The following RAVER1 variants were observed in gnomAD, a reference collection of about 807,000 sequenced individuals.
RAVER1 encodes the protein ribonucleoprotein PTB-binding 1.
Under a neutral mutation model 68.4 loss-of-function variants are expected in RAVER1, and 36 were observed. That is an observed-to-expected ratio of 0.53 (90% confidence interval 0.40 to 0.70). RAVER1 has a LOEUF of 0.70. Among genes scored for constraint, RAVER1 ranks in the 30% least tolerant of loss-of-function variants. The probability of loss-of-function intolerance (pLI) is 0.00; values close to 1 mark genes in which losing one functional copy is unlikely to be tolerated. For missense variants in RAVER1, 933 were observed against 1,019.8 expected (o/e 0.91, Z 1.16); for synonymous variants, 469 against 472.7 (o/e 0.99, Z 0.10).
chr19:10,322,856 G>GCCCA lies in RAVER1; in HGVS notation c.1079-118_1079-117insTGGG. The GCCCA allele has an allele frequency of 1.7e-5, 10 of 605,366 alleles. No homozygotes were observed. The highest frequency in any genetic ancestry group is 9.7e-5 in the South Asian group (4 of 41,264). 37.5% of individuals were successfully genotyped at this position (605,366 alleles called of 1,614,324 possible). On this transcript the variant is annotated intron_variant, in intron 5 of 12. Coordinates refer to ENST00000617231, the MANE Select transcript of RAVER1 (RefSeq NM_133452.3). The surrounding 1 kb of genome is among the most constrained non-coding windows in gnomAD (Gnocchi z 4.3). The stretch of plus-strand genomic sequence containing the variant: ...GAAACTGACACTCTGGGGCCGGGGG[G>GCCCA]TGGGCAGTGGACTTGCCCAAAGGAA...
chr19:10,332,816 T>C (rs1202092790), intron 1 of RAVER1, among the ~76,000 whole-genome samples: 1 of 152,148 alleles, frequency 6.6e-6, no homozygotes, highest in African/African-American at 2.4e-5. Context: ...TGCTGTTAAC[T>C]TCCGGATTTA....
rs1242419880 is a variant in RAVER1, at chr19:10,328,551, A to C, written c.756+91T>G. The C allele has an allele frequency of 2.4e-5, 20 of 820,180 alleles. No individual in the cohort carries two copies. Among genetic ancestry groups the C allele is most frequent in the Non-Finnish European group, 3.7e-5 (20 of 546,764 alleles). The allele number at this position is 820,180 out of a possible 1,614,324, so 50.8% of individuals were successfully genotyped here. A position where few individuals can be genotyped will look rare whatever the true frequency, so the allele number is the denominator to read the frequency against. The stretch of plus-strand genomic sequence containing the variant: ...TGGGTGACAAAGTGAGACTGTCTCA[A>C]AAAAAAAAAAGAAAAGGCAGATGAC... On this transcript the variant is annotated intron_variant, in intron 3 of 12. Transcript: ENST00000617231. The surrounding 1 kb of genome is among the most constrained non-coding windows in gnomAD (Gnocchi z 4.4).
intron 3 of RAVER1, among the ~76,000 whole-genome samples, chr19:10,324,268 C>T (rs1051338696): frequency 7.2e-5 from 11 of 152,154 alleles, no homozygotes; most frequent in African/African-American, 2.2e-4. Flanking sequence ...GGCTGGGCAC[C>T]GGCACTTGCT....
rs535837426 is a variant in RAVER1 at position 10,321,251 on chromosome 19, G to A, written c.1270C>T (p.Leu424=). The part of the protein sequence containing the change: ...LLGELPAGGG[L]PPELPPRRGK... ...CGCCGGGGCGGCAGCTCCGGGGGCA[G>A]GCCCCCTCCTAGGGAGGGAAGGAGG... The change falls in exon 8 of 13, where the codon CTG becomes TTG. Residue 424 remains leucine (L), a synonymous_variant. Transcript: ENST00000617231. 9.4e-6 allele frequency: 12 copies of A among 1,276,528 alleles called. No individual in the cohort carries two copies. In the South Asian group the frequency reaches 1.2e-4, roughly 13 times the overall value. 79.1% of individuals were successfully genotyped at this position (1,276,528 alleles called of 1,614,324 possible).
In RAVER1 at chr19:10,323,265, G is replaced by C. The variant is rs952158789; in HGVS notation, c.958C>G (p.Arg320Gly). 1 of 1,613,282 alleles carries C rather than the reference G, an allele frequency of 6.2e-7. No individual in the cohort carries two copies. The change falls in exon 5 of 13, where the codon CGG becomes GGG. Residue 320 changes from arginine (R) to glycine (G), a missense_variant. Arg to Gly is a moderately radical substitution (Grantham distance 125). This residue lies in a region of RAVER1 where 699 missense variants were observed against 731.1 expected (regional missense o/e 0.96). Coordinates refer to ENST00000617231, the MANE Select transcript of RAVER1 (RefSeq NM_133452.3). This position sits in a 1 kb window ranked among gnomAD's most constrained non-coding sequence, Gnocchi z 6.2. ...LIAAQATALN[R>G]GKGLLPEPNI... ...GGCTCGGGGAGGAGTCCCTTCCCCC[G>C]ATTGAGGGCCTGCAGGAAGGAACAG... is the stretch of plus-strand genomic sequence containing the variant.
chr19:10,333,024 A>G lies in RAVER1; in HGVS notation c.219+265T>C, dbSNP rs576848330. Among the ~76,000 whole-genome samples, 9 of 151,490 alleles carry G rather than the reference A, an allele frequency of 5.9e-5. No homozygotes were observed. Among genetic ancestry groups the G allele is most frequent in the African/African-American group, 1.7e-4 (7 of 41,276 alleles). ...GGACCAAAGCTGTCCGCCCCCTTCC[A>G]TTCCCCGCCCGCTTCCATCACTTGG... On this transcript the variant is annotated intron_variant, in intron 1 of 12. Coordinates refer to ENST00000617231, the MANE Select transcript of RAVER1 (RefSeq NM_133452.3). The surrounding 1 kb of genome is among the most constrained non-coding windows in gnomAD (Gnocchi z 4.2).
chr19:10,331,958 CCTG>C, intron 1 of RAVER1, among the ~76,000 whole-genome samples: 1 of 152,116 alleles, frequency 6.6e-6, no homozygotes, highest in Non-Finnish European at 1.5e-5. Flanking sequence ...CCAATTTCCT[CCTG>C]CTGATAAAGC....
In RAVER1 at chr19:10,317,328, A is replaced by G. The variant is rs1230188479; in HGVS notation, c.*126T>C. 2.8e-6 allele frequency: 3 copies of G among 1,085,538 alleles called. No individual in the cohort carries two copies. Among genetic ancestry groups the G allele is most frequent in the Non-Finnish European group, 4.1e-6 (3 of 729,230 alleles). The allele number at this position is 1,085,538 out of a possible 1,614,324, so 67.2% of individuals were successfully genotyped here. On this transcript the variant is annotated 3_prime_UTR_variant, in exon 13 of 13. Coordinates refer to ENST00000617231, the MANE Select transcript of RAVER1 (RefSeq NM_133452.3). The surrounding 1 kb of genome is among the most constrained non-coding windows in gnomAD (Gnocchi z 4.3). ...TGGGGCTCCGGCTGATTGGTCAGTA[A>G]AGTCTTTCAGAGATTTTTCTATTAC...
chr19:10,316,590 C>T lies in RAVER1; in HGVS notation c.*864G>A. On this transcript the variant is annotated 3_prime_UTR_variant, in exon 13 of 13. Transcript: ENST00000617231. ...CCACAGACAGACAGCAGGGGACTGG[C>T]AGAGAAAGCCCATCTCTGCACGGAG... 1.0e-6 allele frequency: 1 copy of T among 986,698 alleles called. No homozygotes were observed. The highest frequency in any genetic ancestry group is 1.2e-6 in the Non-Finnish European group (1 of 830,466). 61.1% of individuals were successfully genotyped at this position (986,698 alleles called of 1,614,324 possible).
At position 10,322,880 on chromosome 19, in the gene RAVER1, A is replaced by C. The variant is rs2040448580; in HGVS notation, c.1079-141T>G. 1 of 562,406 alleles carries C rather than the reference A, an allele frequency of 1.8e-6. No individual in the cohort carries two copies. The highest frequency in any genetic ancestry group is 3.0e-6 in the Non-Finnish European group (1 of 330,662). 34.8% of individuals were successfully genotyped at this position (562,406 alleles called of 1,614,324 possible). ...GGTGGGCAGTGGACTTGCCCAAAGGAAGGGCCTAGAAGGGGCAGAGGCTAC... is the reference window on the plus strand; with the variant it reads ...GGTGGGCAGTGGACTTGCCCAAAGGCAGGGCCTAGAAGGGGCAGAGGCTAC... On this transcript the variant is annotated intron_variant, in intron 5 of 12. Transcript: ENST00000617231. This position sits in a 1 kb window ranked among gnomAD's most constrained non-coding sequence, Gnocchi z 4.3.
Position 10,316,653 on chromosome 19 carries a change from G to T in RAVER1, c.*801C>A. The T allele has an allele frequency of 1.2e-6, 1 of 803,310 alleles. No homozygotes were observed. The highest frequency in any genetic ancestry group is 1.5e-6 in the Non-Finnish European group (1 of 662,714). 49.8% of individuals were successfully genotyped at this position (803,310 alleles called of 1,614,324 possible). A position where few individuals can be genotyped will look rare whatever the true frequency, so the allele number is the denominator to read the frequency against. On this transcript the variant is annotated 3_prime_UTR_variant, in exon 13 of 13. Coordinates refer to ENST00000617231, the MANE Select transcript of RAVER1 (RefSeq NM_133452.3). ...GGGGGTGGTGGGGCCGGTTCGCCAA[G>T]ATGAAGGCTTTCCCCTTCTACTGTC... is the stretch of plus-strand genomic sequence containing the variant.
rs562972523 is a variant in RAVER1 at position 10,323,947 on chromosome 19, G to C, written c.757-381C>G. ...GCAGATAACCTGAGGTCGGGAGTTC[G>C]AGACCAGCCTGACCAACATGGAGAA... On this transcript the variant is annotated intron_variant, in intron 3 of 12. Coordinates refer to ENST00000617231, the MANE Select transcript of RAVER1 (RefSeq NM_133452.3). The surrounding 1 kb of genome is among the most constrained non-coding windows in gnomAD (Gnocchi z 6.2). Among the ~76,000 whole-genome samples the C allele has an allele frequency of 1.6e-3, 241 of 152,128 alleles. 2 individuals are homozygous for C. The highest frequency in any genetic ancestry group is 2.6e-3 in the Non-Finnish European group (179 of 68,004).
rs192900002 is a variant in RAVER1, at chr19:10,318,508, G to A, written c.1846-136C>T. ...CGAGTAGCTGGGATTACAGGCATGC[G>A]CCACCATGCCCAGCTAATTTTTTGT... On this transcript the variant is annotated intron_variant, in intron 10 of 12. Coordinates refer to ENST00000617231, the MANE Select transcript of RAVER1 (RefSeq NM_133452.3). 1,038 of 632,884 alleles carry A rather than the reference G, an allele frequency of 1.6e-3. 12 individuals carry two copies. In the African/African-American group the frequency reaches 0.017, roughly 10 times the overall value. 39.2% of individuals were successfully genotyped at this position (632,884 alleles called of 1,614,324 possible).
chr19:10,319,294 C>T, intron 9 of RAVER1, 54 bp from the exon 10 acceptor site: 19 of 1,545,400 alleles, frequency 1.2e-5, no homozygotes, highest in Non-Finnish European at 1.6e-5. Context: ...AGCCTCACCC[C>T]TGGCTGAACT....
chr19:10,317,441 T>C lies in RAVER1; in HGVS notation c.*13A>G. The stretch of plus-strand genomic sequence containing the variant: ...TTGGTGCAGGCCCTTGAGTTATCTC[T>C]GGTGCCAGCCACTTAGAAAATCCTC... On this transcript the variant is annotated 3_prime_UTR_variant, in exon 13 of 13. Coordinates refer to ENST00000617231, the MANE Select transcript of RAVER1 (RefSeq NM_133452.3). The surrounding 1 kb of genome is among the most constrained non-coding windows in gnomAD (Gnocchi z 4.3). The C allele has an allele frequency of 6.2e-7, 1 of 1,613,652 alleles. No homozygotes were observed. Among genetic ancestry groups the C allele is most frequent in the South Asian group, 1.1e-5 (1 of 91,072 alleles).
Position 10,323,627 on chromosome 19 carries a change from A to G in RAVER1, c.757-61T>C. ...GCAGCAGTGACTGCACCACCCCGGG[A>G]AGTGACAACCGTAACCAGACTCAGC... On this transcript the variant is annotated intron_variant, in intron 3 of 12. Transcript: ENST00000617231. The surrounding 1 kb of genome is among the most constrained non-coding windows in gnomAD (Gnocchi z 6.2). 6.6e-7 allele frequency: 1 copy of G among 1,515,186 alleles called. No homozygotes were observed. The highest frequency in any genetic ancestry group is 2.3e-5 in the East Asian group (1 of 43,898). The allele number at this position is 1,515,186 out of a possible 1,614,324, so 93.9% of individuals were successfully genotyped here. A position where few individuals can be genotyped will look rare whatever the true frequency, so the allele number is the denominator to read the frequency against.
chr19:10,317,495 G>T lies in RAVER1; in HGVS notation c.2179C>A (p.His727Asn). 1 of 1,613,792 alleles carries T rather than the reference G, an allele frequency of 6.2e-7. No individual in the cohort carries two copies. The highest frequency in any genetic ancestry group is 8.5e-7 in the Non-Finnish European group (1 of 1,179,678). ...VGQHSQGLGG[H>N]YADSYLKRKR... is the part of the protein sequence containing the mutation. ...CGCTTCAGGTAGGAGTCCGCGTAGTGGCCGCCGAGGCCCTGGGAGTGCTGG... is the reference window on the plus strand; with the variant it reads ...CGCTTCAGGTAGGAGTCCGCGTAGTTGCCGCCGAGGCCCTGGGAGTGCTGG... The change falls in exon 13 of 13, where the codon CAC (histidine) becomes AAC (asparagine). Residue 727 changes from histidine (H) to asparagine (N), a missense_variant. His to Asn is a moderately conservative substitution (Grantham distance 68). Coordinates refer to ENST00000617231, the MANE Select transcript of RAVER1 (RefSeq NM_133452.3). The surrounding 1 kb of genome is among the most constrained non-coding windows in gnomAD (Gnocchi z 4.3).
In RAVER1 at chr19:10,329,477, A is replaced by T. The variant is rs1472994768; in HGVS notation, c.287-366T>A. ...CCAAGCCCCAGGTGGCTTTGGGGGT[A>T]TCAGTTTCCTCATCTCTCAAATGGA... On this transcript the variant is annotated intron_variant, in intron 2 of 12. Transcript: ENST00000617231. The surrounding 1 kb of genome is among the most constrained non-coding windows in gnomAD (Gnocchi z 4.6). 6.6e-6 allele frequency among the ~76,000 whole-genome samples: 1 copy of T among 152,234 alleles called. No homozygotes were observed. The highest frequency in any genetic ancestry group is 2.4e-5 in the African/African-American group (1 of 41,464).
Position 10,321,480 on chromosome 19 carries a change from G to T in RAVER1, c.1261+51C>A, listed in dbSNP as rs559354017. The T allele has an allele frequency of 9.2e-6, 12 of 1,309,748 alleles. No homozygotes were observed. In the Admixed American group the frequency reaches 1.6e-4, roughly 17 times the overall value. The allele number at this position is 1,309,748 out of a possible 1,614,324, so 81.1% of individuals were successfully genotyped here. A position where few individuals can be genotyped will look rare whatever the true frequency, so the allele number is the denominator to read the frequency against. On this transcript the variant is annotated intron_variant, in intron 7 of 12. Coordinates refer to ENST00000617231, the MANE Select transcript of RAVER1 (RefSeq NM_133452.3). Reference sequence around the variant, plus strand: ...CACTCACCCGAGGCCACGTAGCAGGGAAGGAAGGGGAAGTGGCTGGGGGAC... The same window carrying T: ...CACTCACCCGAGGCCACGTAGCAGGTAAGGAAGGGGAAGTGGCTGGGGGAC...
Sources: allele counts gnomAD v4.1 joint callset (sites outside exome capture counted in the v4.1 genomes callset), GRCh38; gene constraint gnomAD v4.1.1; regional missense constraint gnomAD v4.1.1; non-coding constraint Gnocchi (gnomAD v3.1); transcripts MANE v1.5; gene names NCBI Gene and HGNC (gene_info 2026-07-23, HGNC 2026-07-21).